Variants in DACH1 observed in about 807,000 individuals in gnomAD.
DACH1 encodes the protein dachshund family transcription factor 1, also known as dachshund homolog 1.
In DACH1, 12 loss-of-function variants were observed where a neutral mutation model predicts 54.2. The ratio of observed to expected loss-of-function variants is 0.22; its 90% CI spans 0.14 to 0.36. The LOEUF (loss-of-function observed/expected upper bound fraction) is 0.36, where lower values mean the gene tolerates loss of function less well. DACH1 is among the 10% of genes least tolerant of loss of function. The pLI is 1.00. For missense variants in DACH1, 805 were observed against 929.8 expected, an observed-to-expected ratio of 0.87 and a Z score of 1.75; for synonymous variants, 386 against 366.2, an observed-to-expected ratio of 1.05 and a Z score of -0.62.
intron 1 of DACH1, among the ~76,000 whole-genome samples, chr13:71,804,500 T>C (rs895436216): frequency 2.0e-5 from 3 of 152,180 alleles, no homozygotes; most frequent in African/African-American, 7.2e-5. Context: ...AGATTGATTC[T>C]CTTATGTCCA....
At chr13:71,641,880 T>C (rs1482123736) in intron 2 of DACH1, among the ~76,000 whole-genome samples, 1 of 152,166 alleles carries the variant, frequency 6.6e-6, no homozygotes, top group Non-Finnish European at 1.5e-5. Context: ...TTATAAGGTT[T>C]GATTATTATA....
At chr13:71,586,760 G>A (rs538087437) in intron 3 of DACH1, among the ~76,000 whole-genome samples, 1 of 152,120 alleles carries the variant, frequency 6.6e-6, no homozygotes, top group South Asian at 2.1e-4. Flanking sequence ...ATAGCATGAT[G>A]AGCCTTCATT....
chr13:71,787,653 G>C (rs1385707242), intron 1 of DACH1, among the ~76,000 whole-genome samples: 6 of 152,156 alleles, frequency 3.9e-5, no homozygotes, highest in Admixed American at 3.9e-4. Context: ...CCAACAGCTG[G>C]AAACTCTTCT....
intron 1 of DACH1, among the ~76,000 whole-genome samples, chr13:71,703,796 G>C (rs953669703): frequency 1.3e-5 from 2 of 152,128 alleles, no homozygotes; most frequent in Non-Finnish European, 2.9e-5. Flanking sequence ...GAAAAGAGGA[G>C]AGAAAGTTGG....
chr13:71,653,941 T>C (rs1381702959), intron 2 of DACH1, among the ~76,000 whole-genome samples: 1 of 152,172 alleles, frequency 6.6e-6, no homozygotes, highest in East Asian at 1.9e-4. Flanking sequence ...ATAGAACCAC[T>C]ATTTATATTT....
intron 3 of DACH1, among the ~76,000 whole-genome samples, chr13:71,577,547 G>A (rs950943417): frequency 6.6e-6 from 1 of 152,158 alleles, no homozygotes; most frequent in African/African-American, 2.4e-5. Flanking sequence ...TGATTCAGTT[G>A]CTATAATAAG....
chr13:71,455,648 T>C (rs1374460895), intron 10 of DACH1, among the ~76,000 whole-genome samples: 1 of 152,136 alleles, frequency 6.6e-6, no homozygotes, highest in Admixed American at 6.6e-5. Context: ...AGCTCCCTAC[T>C]GCTGAAGTTG....
At chr13:71,675,415 G>A (rs1320261130) in intron 2 of DACH1, 14 of 1,461,474 alleles carry the variant, frequency 9.6e-6, no homozygotes, top group Admixed American at 3.5e-5. Flanking sequence ...TGCCAAACGT[G>A]TAACAATTAT....
At chr13:71,624,856 G>T (rs1471974431) in intron 3 of DACH1, among the ~76,000 whole-genome samples, 1 of 151,916 alleles carries the variant, frequency 6.6e-6, no homozygotes, top group Non-Finnish European at 1.5e-5. Flanking sequence ...ATGGGGCTGA[G>T]AGATAAGGAG....
chr13:71,449,001 T>C (rs1874739683), intron 10 of DACH1, among the ~76,000 whole-genome samples: 2 of 152,124 alleles, frequency 1.3e-5, no homozygotes, highest in South Asian at 2.1e-4. Context: ...GTACAACAAC[T>C]AGGGTACTTT....
intron 6 of DACH1, 81 bp from the exon 7 acceptor site, chr13:71,489,229 G>A: frequency 6.9e-7 from 1 of 1,451,904 alleles, no homozygotes; most frequent in South Asian, 1.4e-5. Flanking sequence ...TTCCCTAGTG[G>A]TTTCCAGAAC....
intron 1 of DACH1, among the ~76,000 whole-genome samples, chr13:71,707,327 T>C (rs922388564): frequency 3.3e-5 from 5 of 152,264 alleles, no homozygotes; most frequent in Non-Finnish European, 7.3e-5. Flanking sequence ...GATTTAATGC[T>C]CTGCTGTCAG....
intron 2 of DACH1, among the ~76,000 whole-genome samples, chr13:71,633,053 T>A (rs12865906): frequency 6.6e-6 from 1 of 152,168 alleles, no homozygotes; most frequent in South Asian, 2.1e-4. Flanking sequence ...CATCTCCAAT[T>A]TATGACTTCA....
chr13:71,458,660 A>G (rs1381961007), intron 10 of DACH1, among the ~76,000 whole-genome samples: 2 of 151,926 alleles, frequency 1.3e-5, no homozygotes, highest in African/African-American at 4.8e-5. Context: ...CTACCTAAAT[A>G]TTGTATAGAG....
At position 71,865,950 on chromosome 13, in the gene DACH1, T is replaced by A. The variant is rs1272030095; in HGVS notation, c.820A>T (p.Thr274Ser). The A allele has an allele frequency of 1.2e-6, 2 of 1,613,110 alleles. No individual in the cohort carries two copies. Among genetic ancestry groups the A allele is most frequent in the Non-Finnish European group, 1.7e-6 (2 of 1,179,652 alleles). The change falls in exon 1 of 11, where the codon ACC (threonine) becomes TCC (serine). Residue 274 changes from threonine to serine, a missense_variant. Thr to Ser is a moderately conservative substitution (Grantham distance 58). Transcript: ENST00000613252. ...GCGTTGGTGCAGTCATTGTAGAGGG[T>A]CTCGAAGTCCTTCCTGGAGATGAGT... ...CKLISRKDFE[T>S]LYNDCTNASS...
At chr13:71,545,549 G>A (rs908731425) in intron 6 of DACH1, among the ~76,000 whole-genome samples, 2 of 151,012 alleles carry the variant, frequency 1.3e-5, no homozygotes, top group African/African-American at 4.9e-5. Flanking sequence ...GAGGGAAGGA[G>A]GGAGGGAGAG....
intron 2 of DACH1, among the ~76,000 whole-genome samples, chr13:71,641,275 A>C (rs1415871537): frequency 6.6e-6 from 1 of 151,994 alleles, no homozygotes; most frequent in East Asian, 1.9e-4. Context: ...ATACACACAC[A>C]TAGAATAAAG....
At chr13:71,769,750 A>G (rs1428041982) in intron 1 of DACH1, among the ~76,000 whole-genome samples, 1 of 151,726 alleles carries the variant, frequency 6.6e-6, no homozygotes, top group Admixed American at 6.6e-5. Flanking sequence ...TTTTAGAACA[A>G]TAAATGATAA....
chr13:71,787,321 G>A (rs1258981351), intron 1 of DACH1, among the ~76,000 whole-genome samples: 1 of 152,130 alleles, frequency 6.6e-6, no homozygotes, highest in East Asian at 1.9e-4. Flanking sequence ...GTCTAGTTGT[G>A]TTACTTTAGC....
Sources: gnomAD v4.1 joint callset for allele counts (sites outside exome capture counted in the v4.1 genomes callset) on GRCh38, gnomAD v4.1.1 for gene constraint, MANE v1.5 for transcripts, NCBI Gene and HGNC (gene_info 2026-07-23, HGNC 2026-07-21) for gene names.